The following MTHFD1L variants were observed in gnomAD, a reference collection of about 807,000 sequenced individuals.
MTHFD1L encodes the protein methylenetetrahydrofolate dehydrogenase (NADP+ dependent) 1 like.
Under a neutral mutation model 119.5 loss-of-function variants are expected in MTHFD1L, and 81 were observed. That is an observed-to-expected ratio of 0.68 (90% CI 0.57 to 0.82). The LOEUF (loss-of-function observed/expected upper bound fraction) is 0.82, where lower values mean the gene tolerates loss of function less well. Among genes scored for constraint, MTHFD1L ranks in the 40% least tolerant of loss-of-function variants. The pLI, the probability that MTHFD1L is intolerant of heterozygous loss-of-function variation, is 0.00. For synonymous variants in MTHFD1L, 430 were observed against 475.2 expected, an observed-to-expected ratio of 0.90 and a Z score of 1.24; for missense variants, 1,125 against 1,253.4, an observed-to-expected ratio of 0.90 and a Z score of 1.55.
At chr6:150,986,166 C>T (rs1778276966) in intron 20 of MTHFD1L, among the ~76,000 whole-genome samples, 1 of 152,194 alleles carries the variant, frequency 6.6e-6, no homozygotes, top group African/African-American at 2.4e-5. Context: ...TGTAGTTTTA[C>T]ACAGTGAATT....
At chr6:151,056,013 A>G (rs940499422) in intron 26 of MTHFD1L, 24 of 152,234 alleles carry the variant, frequency 1.6e-4, no homozygotes, top group African/African-American at 5.1e-4. Flanking sequence ...GTTATTTCCT[A>G]TTGGCTGTTA....
At chr6:151,063,778 A>G (rs1304933067) in intron 26 of MTHFD1L, among the ~76,000 whole-genome samples, 3 of 152,238 alleles carry the variant, frequency 2.0e-5, no homozygotes, top group Admixed American at 2.0e-4. Flanking sequence ...TCCAAATGTC[A>G]AGAATGGGAT....
intron 27 of MTHFD1L, among the ~76,000 whole-genome samples, chr6:151,099,351 C>T (rs1362257854): frequency 6.6e-6 from 1 of 152,106 alleles, no homozygotes; most frequent in African/African-American, 2.4e-5. Context: ...ACTGAGCCCA[C>T]CCTCTACCCT....
At chr6:150,966,626 C>T (rs1421851372) in intron 19 of MTHFD1L, among the ~76,000 whole-genome samples, 4 of 152,172 alleles carry the variant, frequency 2.6e-5, no homozygotes, top group African/African-American at 9.7e-5. Flanking sequence ...AACCTCGAGA[C>T]CAGCCTGGCC....
At position 150,888,247 on chromosome 6, in the gene MTHFD1L, C is replaced by T. The variant is rs533971669; in HGVS notation, c.780+266C>T. On this transcript the variant is annotated intron_variant, in intron 7 of 27. Coordinates refer to ENST00000367321, the MANE Select transcript of MTHFD1L (RefSeq NM_015440.5). ...CTCCAGCAAATGGAAAAAGAAGGAACGTGGCCTAACAGACTTTATGAGTGC... is the reference window on the plus strand; with the variant it reads ...CTCCAGCAAATGGAAAAAGAAGGAATGTGGCCTAACAGACTTTATGAGTGC... 5.9e-5 allele frequency among the ~76,000 whole-genome samples: 9 copies of T among 152,260 alleles called. No individual in the cohort carries two copies. The East Asian group carries it at 7.7e-4, about 13-fold the overall frequency.
At chr6:151,074,223 A>G (rs1452776902) in intron 26 of MTHFD1L, among the ~76,000 whole-genome samples, 1 of 152,216 alleles carries the variant, frequency 6.6e-6, no homozygotes, top group Non-Finnish European at 1.5e-5. Context: ...CTGAAGTACA[A>G]AAAGTGTTAC....
At chr6:151,095,517 G>T (rs768340976) in intron 27 of MTHFD1L, among the ~76,000 whole-genome samples, 3 of 152,184 alleles carry the variant, frequency 2.0e-5, no homozygotes, top group Admixed American at 6.5e-5. Flanking sequence ...AATCACTGTA[G>T]TTAGGACTCA....
rs17080533 is a variant in MTHFD1L at position 150,934,819 on chromosome 6, A to T, written c.1257-1985A>T. 1.9e-3 allele frequency: 1,884 copies of T among 978,874 alleles called. 31 individuals are homozygous for T. The African/African-American group carries it at 0.026, about 14-fold the overall frequency. The allele number at this position is 978,874 out of a possible 1,614,324, so 60.6% of individuals were successfully genotyped here. On this transcript the variant is annotated intron_variant, in intron 11 of 27. Coordinates refer to ENST00000367321, the MANE Select transcript of MTHFD1L (RefSeq NM_015440.5). ...TAAGCTGGAAGGACGTGGGGTGCTT[A>T]TCCCTCGTAGAAATGCCTGCCAATG...
intron 20 of MTHFD1L, among the ~76,000 whole-genome samples, chr6:150,977,264 T>C (rs942331425): frequency 2.6e-5 from 4 of 152,254 alleles, no homozygotes; most frequent in African/African-American, 9.6e-5. Context: ...CTAATTTTTG[T>C]TCTAACAAAA....
At chr6:151,008,702 A>G (rs886985140) in intron 20 of MTHFD1L, among the ~76,000 whole-genome samples, 1 of 152,214 alleles carries the variant, frequency 6.6e-6, no homozygotes, top group Non-Finnish European at 1.5e-5. Flanking sequence ...TGTTTCTCTA[A>G]TAAAGCTGCT....
chr6:151,050,786 C>T (rs1788905701), intron 26 of MTHFD1L, among the ~76,000 whole-genome samples: 1 of 152,058 alleles, frequency 6.6e-6, no homozygotes, highest in South Asian at 2.1e-4. Flanking sequence ...TGTTGTGGTG[C>T]GACAGCAGAG....
intron 26 of MTHFD1L, among the ~76,000 whole-genome samples, chr6:151,057,774 C>T (rs961394047): frequency 7.2e-5 from 11 of 152,064 alleles, no homozygotes; most frequent in Admixed American, 1.3e-4. Flanking sequence ...GAGCCGTATG[C>T]ATGACCTTTT....
rs1385095886 is a variant in MTHFD1L, at chr6:150,876,165, A to C, written c.303A>C (p.Ala101=). 6.3e-7 allele frequency: 1 copy of C among 1,592,294 alleles called. No homozygotes were observed. The highest frequency in any genetic ancestry group is 8.5e-7 in the Non-Finnish European group (1 of 1,170,154). ...ACCCTGCCTTCAAGCCGGTTCTTGC[A>C]ATTATCCAGGTAAGCCGAGAACAAG... The part of the protein sequence containing the change: ...EKNPAFKPVL[A]IIQAGDDNLM... Residue 101 remains alanine, a synonymous_variant, in exon 2 of 28, where the codon GCA becomes GCC. Coordinates refer to ENST00000367321, the MANE Select transcript of MTHFD1L (RefSeq NM_015440.5).
Position 150,936,804 on chromosome 6 carries a change from G to A in MTHFD1L, c.1257G>A (p.Gly419=), listed in dbSNP as rs1792149689. 2.5e-6 allele frequency: 4 copies of A among 1,612,810 alleles called. No homozygotes were observed. The highest frequency in any genetic ancestry group is 3.4e-6 in the Non-Finnish European group (4 of 1,178,992). ...ATTCACTTTCTCCCCCCGAACTCAG[G>A]ATCACACCCACCCCTCTTGGAGAAG... ...QADGKYVLVA[G]ITPTPLGEGK... is the part of the protein sequence containing the mutation. Residue 419 remains glycine (G), a splice_region_variant and synonymous_variant, in exon 12 of 28, where the codon GGG becomes GGA. Transcript: ENST00000367321.
chr6:150,956,156 C>T, intron 17 of MTHFD1L, 85 bp downstream of exon 17: 2 of 1,366,508 alleles, frequency 1.5e-6, no homozygotes, highest in South Asian at 1.2e-5. Flanking sequence ...CCTTTCTTGT[C>T]TCATCCCCAA....
chr6:151,046,900 G>T (rs1246948112), intron 26 of MTHFD1L, among the ~76,000 whole-genome samples: 4 of 152,070 alleles, frequency 2.6e-5, no homozygotes, highest in Admixed American at 2.6e-4. Flanking sequence ...TTAAGAAAAG[G>T]GTCAAGCTTT....
At chr6:150,889,255 A>G (rs756266243) in intron 7 of MTHFD1L, among the ~76,000 whole-genome samples, 5 of 152,194 alleles carry the variant, frequency 3.3e-5, no homozygotes, top group Non-Finnish European at 7.3e-5. Flanking sequence ...GCATAGGATT[A>G]CTAACCTGCC....
At chr6:150,968,763 G>A (rs895450858) in intron 19 of MTHFD1L, among the ~76,000 whole-genome samples, 33 of 150,088 alleles carry the variant, frequency 2.2e-4, no homozygotes, top group South Asian at 2.1e-4. Flanking sequence ...TGATCTGCCC[G>A]CCTGAGCCCC....
chr6:151,003,481 G>A (rs754281671), intron 20 of MTHFD1L, among the ~76,000 whole-genome samples: 52 of 152,150 alleles, frequency 3.4e-4, no homozygotes, highest in Admixed American at 3.3e-4. Flanking sequence ...GCAGTAAGCC[G>A]AGATCGCACC....
Sources: allele counts gnomAD v4.1 joint callset (sites outside exome capture counted in the v4.1 genomes callset), GRCh38; gene constraint gnomAD v4.1.1; transcripts MANE v1.5; gene names NCBI Gene and HGNC (gene_info 2026-07-23, HGNC 2026-07-21).